The following GALNTL6 variants were observed in gnomAD, a reference collection of about 807,000 sequenced individuals.
The protein encoded by GALNTL6 is polypeptide N-acetylgalactosaminyltransferase like 6.
Under a neutral mutation model 73.7 loss-of-function variants are expected in GALNTL6, and 46 were observed. The ratio of observed to expected loss-of-function variants is 0.62; its 90% CI spans 0.49 to 0.80. The LOEUF is 0.80. Among genes scored for constraint, GALNTL6 ranks in the 30% least tolerant of loss-of-function variants. The pLI, the probability that GALNTL6 is intolerant of heterozygous loss-of-function variation, is 0.00. For synonymous variants in GALNTL6, 259 were observed against 263.7 expected (o/e 0.98, Z 0.17); for missense variants, 604 against 755.0 (o/e 0.80, Z 2.34).
intron 5 of GALNTL6, among the ~76,000 whole-genome samples, chr4:172,554,980 G>A (rs192219552): frequency 2.0e-5 from 3 of 152,072 alleles, no homozygotes; most frequent in Non-Finnish European, 2.9e-5. Flanking sequence ...AATAGGTGTC[G>A]CAATTTACAT....
At chr4:171,962,034 A>G (rs1160409534) in intron 2 of GALNTL6, among the ~76,000 whole-genome samples, 1 of 152,220 alleles carries the variant, frequency 6.6e-6, no homozygotes, top group African/African-American at 2.4e-5. Flanking sequence ...GTCAGAACGC[A>G]AAAGTTATGA....
chr4:172,623,279 C>T (rs1028451880), intron 5 of GALNTL6, among the ~76,000 whole-genome samples: 1 of 152,082 alleles, frequency 6.6e-6, no homozygotes, highest in Admixed American at 6.6e-5. Context: ...AACGTGAATG[C>T]TCTGAACTGA....
chr4:172,776,865 ATCT>A (rs1189616680), intron 5 of GALNTL6, among the ~76,000 whole-genome samples: 6 of 152,112 alleles, frequency 3.9e-5, no homozygotes, highest in Non-Finnish European at 7.3e-5. Context: ...TGTCCTGCCT[ATCT>A]TCTTTGAGTC....
intron 2 of GALNTL6, among the ~76,000 whole-genome samples, chr4:171,975,083 A>G (rs1739679274): frequency 6.6e-6 from 1 of 152,200 alleles, no homozygotes; most frequent in Admixed American, 6.5e-5. Context: ...CACCGTTTCT[A>G]CCTGTAATGC....
intron 2 of GALNTL6, among the ~76,000 whole-genome samples, chr4:172,057,728 A>T (rs1426538941): frequency 2.5e-3 from 153 of 62,258 alleles, no homozygotes; most frequent in African/African-American, 4.3e-3. Flanking sequence ...AAAAAAAAAA[A>T]TATATATATA....
At chr4:171,903,367 A>C (rs890289825) in intron 2 of GALNTL6, among the ~76,000 whole-genome samples, 25 of 152,060 alleles carry the variant, frequency 1.6e-4, no homozygotes, top group Admixed American at 1.6e-3. Context: ...TTTCCTAGTC[A>C]AAGAAAGGGG....
intron 2 of GALNTL6, among the ~76,000 whole-genome samples, chr4:172,212,454 C>T (rs1199276837): frequency 6.6e-6 from 1 of 152,106 alleles, no homozygotes; most frequent in Non-Finnish European, 1.5e-5. Flanking sequence ...TTACCTCGCC[C>T]AGCCAATGAT....
intron 2 of GALNTL6, among the ~76,000 whole-genome samples, chr4:171,904,654 A>G (rs894100441): frequency 5.9e-5 from 9 of 152,114 alleles, no homozygotes; most frequent in Non-Finnish European, 1.3e-4. Context: ...TGCCACAAAG[A>G]TACTCCCTGA....
chr4:171,906,898 T>C (rs1307028120), intron 2 of GALNTL6, among the ~76,000 whole-genome samples: 1 of 152,136 alleles, frequency 6.6e-6, no homozygotes, highest in Non-Finnish European at 1.5e-5. Context: ...AAAAACCACA[T>C]GATTACCTCA....
At chr4:172,838,545 A>C (rs6827725) in intron 7 of GALNTL6, among the ~76,000 whole-genome samples, 25,215 of 152,178 alleles carry the variant, frequency 0.17, 4,220 homozygotes, top group African/African-American at 0.42. Context: ...TCTCTGTTTA[A>C]GTTAGACAGA....
intron 2 of GALNTL6, among the ~76,000 whole-genome samples, chr4:172,115,414 T>C (rs1177652982): frequency 6.6e-6 from 1 of 152,128 alleles, no homozygotes; most frequent in Non-Finnish European, 1.5e-5. Context: ...TTAGTGAAGA[T>C]GATGTAAAAT....
chr4:171,950,513 C>T lies in GALNTL6; in HGVS notation c.138+135795C>T, dbSNP rs1738843495. On this transcript the variant is annotated intron_variant, in intron 2 of 12. Coordinates refer to ENST00000506823, the MANE Select transcript of GALNTL6 (RefSeq NM_001034845.3). ...TTTTTTTTTTTGAGATGAAGTCTTG[C>T]TCTGTTGCCCAGACTGGAGTGCAGT... Among the ~76,000 whole-genome samples the T allele has an allele frequency of 5.6e-5, 8 of 144,080 alleles. No homozygotes were observed. The South Asian group carries it at 1.5e-3, about 28-fold the overall frequency. 94.5% of individuals were successfully genotyped at this position (144,080 alleles called of 152,430 possible). A position where few individuals can be genotyped will look rare whatever the true frequency, so the allele number is the denominator to read the frequency against.
In GALNTL6 at chr4:173,021,526, T is replaced by C. The variant is rs752596211; in HGVS notation, c.1539T>C (p.His513=). 6.2e-7 allele frequency: 1 copy of C among 1,614,118 alleles called. No homozygotes were observed. Among genetic ancestry groups the C allele is most frequent in the Non-Finnish European group, 8.5e-7 (1 of 1,179,970 alleles). Residue 513 remains histidine, a synonymous_variant, in exon 12 of 13, where the codon CAT becomes CAC. Coordinates refer to ENST00000506823, the MANE Select transcript of GALNTL6 (RefSeq NM_001034845.3). Reference sequence around the variant, plus strand: ...ATATTCGACCCGGTGAGCCACTGCATACCCGGAAATTCTGCTTTGATGCGA... The same window carrying C: ...ATATTCGACCCGGTGAGCCACTGCACACCCGGAAATTCTGCTTTGATGCGA... The part of the protein sequence containing the change: ...REDIRPGEPL[H]TRKFCFDAIS...
chr4:172,919,065 T>TTGAC (rs1426906081), intron 8 of GALNTL6, among the ~76,000 whole-genome samples: 1 of 152,174 alleles, frequency 6.6e-6, no homozygotes. Flanking sequence ...TGAGTAGCAT[T>TTGAC]TGACTGAGTG....
chr4:171,936,206 T>C (rs1371773217), intron 2 of GALNTL6, among the ~76,000 whole-genome samples: 1 of 152,114 alleles, frequency 6.6e-6, no homozygotes, highest in Admixed American at 6.6e-5. Flanking sequence ...AAAACTATCA[T>C]TTAATAGAAG....
At chr4:172,351,740 A>T (rs1741952369) in intron 5 of GALNTL6, among the ~76,000 whole-genome samples, 2 of 152,122 alleles carry the variant, frequency 1.3e-5, no homozygotes, top group Non-Finnish European at 2.9e-5. Context: ...ATACAGGAAG[A>T]TATAGGAATT....
chr4:172,239,578 A>C (rs1373737513), intron 3 of GALNTL6, among the ~76,000 whole-genome samples: 1 of 151,280 alleles, frequency 6.6e-6, no homozygotes, highest in Non-Finnish European at 1.5e-5. Flanking sequence ...TTATGTCTCA[A>C]TTTCATTCGG....
At chr4:172,238,732 T>C (rs1218671661) in intron 3 of GALNTL6, among the ~76,000 whole-genome samples, 1 of 152,198 alleles carries the variant, frequency 6.6e-6, no homozygotes, top group Non-Finnish European at 1.5e-5. Context: ...ATATTGGTTA[T>C]GGGCTTGTCA....
intron 5 of GALNTL6, among the ~76,000 whole-genome samples, chr4:172,630,437 C>T (rs1739343892): frequency 6.6e-6 from 1 of 152,044 alleles, no homozygotes; most frequent in Admixed American, 6.6e-5. Flanking sequence ...TAATTATCTC[C>T]ATCAGTCGCT....
Sources: allele counts gnomAD v4.1 joint callset (sites outside exome capture counted in the v4.1 genomes callset), GRCh38; gene constraint gnomAD v4.1.1; transcripts MANE v1.5; gene names NCBI Gene and HGNC (gene_info 2026-07-23, HGNC 2026-07-21).